Variants in FSTL5 observed in about 807,000 individuals in gnomAD.
FSTL5 encodes follistatin-related protein 5.
A neutral mutation model predicts 89.1 loss-of-function variants in FSTL5; 62 were observed. The ratio of observed to expected loss-of-function variants is 0.70; its 90% CI spans 0.57 to 0.86. The LOEUF (loss-of-function observed/expected upper bound fraction) is 0.86. Ranked by LOEUF, FSTL5 falls within the 40% of genes least tolerant of loss-of-function variation. The probability of loss-of-function intolerance (pLI) is 0.00; values close to 1 mark genes in which losing one functional copy is unlikely to be tolerated. For missense variants in FSTL5, 1,057 were observed against 1,001.6 expected, an observed-to-expected ratio of 1.06 and a Z score of -0.75; for synonymous variants, 383 against 346.2, an observed-to-expected ratio of 1.11 and a Z score of -1.18.
intron 3 of FSTL5, among the ~76,000 whole-genome samples, chr4:161,922,131 G>A (rs1734010404): frequency 6.6e-6 from 1 of 151,864 alleles, no homozygotes; most frequent in East Asian, 1.9e-4. Flanking sequence ...TTATATTTCT[G>A]ATAGCAGTGA....
At chr4:161,688,404 T>C (rs1028071144) in intron 6 of FSTL5, among the ~76,000 whole-genome samples, 1 of 147,984 alleles carries the variant, frequency 6.8e-6, no homozygotes, top group African/African-American at 2.7e-5. Context: ...CATACTCTGT[T>C]ATAACAGCAC....
chr4:161,588,528 C>G (rs1258535086), intron 7 of FSTL5, among the ~76,000 whole-genome samples: 4 of 152,008 alleles, frequency 2.6e-5, no homozygotes, highest in African/African-American at 4.8e-5. Flanking sequence ...CCGTTAAAAT[C>G]AAATCCATGA....
chr4:161,831,434 T>C (rs1560870123), intron 4 of FSTL5, among the ~76,000 whole-genome samples: 1 of 151,942 alleles, frequency 6.6e-6, no homozygotes, highest in Non-Finnish European at 1.5e-5. Flanking sequence ...AATGCATTTT[T>C]GTGGCATTTT....
intron 6 of FSTL5, among the ~76,000 whole-genome samples, chr4:161,740,084 A>G (rs1439464199): frequency 3.3e-5 from 5 of 151,936 alleles, no homozygotes; most frequent in Admixed American, 2.6e-4. Context: ...CAATGGCACA[A>G]TCTCAGCTCA....
chr4:161,859,697 G>A (rs1298337790), intron 4 of FSTL5, among the ~76,000 whole-genome samples: 2 of 152,080 alleles, frequency 1.3e-5, no homozygotes, highest in Non-Finnish European at 1.5e-5. Flanking sequence ...CATTCCTACT[G>A]CCTTTATTTC....
intron 3 of FSTL5, among the ~76,000 whole-genome samples, chr4:162,004,402 T>C (rs1736552773): frequency 6.6e-6 from 1 of 152,166 alleles, no homozygotes; most frequent in African/African-American, 2.4e-5. Context: ...CTGCCACAAC[T>C]CCAGCATAAT....
chr4:161,741,048 C>T lies in FSTL5; in HGVS notation c.727+18363G>A, dbSNP rs561971522. ...TCTGCCACATGATCTAATCACCTTC[C>T]AAAAGACCTGTCTCCTATTGTCATC... is the stretch of plus-strand genomic sequence containing the variant. On this transcript the variant is annotated intron_variant, in intron 6 of 15. Coordinates refer to ENST00000306100, the MANE Select transcript of FSTL5 (RefSeq NM_020116.5). Among the ~76,000 whole-genome samples the T allele has an allele frequency of 3.3e-5, 5 of 152,260 alleles. No individual in the cohort carries two copies. In the South Asian group the frequency reaches 1.0e-3, roughly 32 times the overall value.
intron 6 of FSTL5, among the ~76,000 whole-genome samples, chr4:161,711,402 T>C (rs975092603): frequency 6.6e-6 from 1 of 151,838 alleles, no homozygotes; most frequent in African/African-American, 2.4e-5. Flanking sequence ...ATAAATTAGA[T>C]AAATAAATGA....
chr4:161,575,709 C>T (rs1452381142), intron 8 of FSTL5, among the ~76,000 whole-genome samples: 1 of 152,112 alleles, frequency 6.6e-6, no homozygotes, highest in Non-Finnish European at 1.5e-5. Context: ...ACCTTGGTCT[C>T]CTGAAGTGCT....
intron 6 of FSTL5, among the ~76,000 whole-genome samples, chr4:161,758,689 T>C (rs1740668885): frequency 6.6e-6 from 1 of 152,084 alleles, no homozygotes; most frequent in South Asian, 2.1e-4. Flanking sequence ...AGCTAATTTT[T>C]GTATGTTTAG....
intron 4 of FSTL5, among the ~76,000 whole-genome samples, chr4:161,822,818 G>A (rs981235524): frequency 3.3e-5 from 5 of 152,212 alleles, no homozygotes; most frequent in Admixed American, 2.0e-4. Context: ...ACTAGAGGGT[G>A]AATAAGGCAG....
At chr4:161,546,601 A>C (rs1732016689) in intron 8 of FSTL5, among the ~76,000 whole-genome samples, 1 of 151,924 alleles carries the variant, frequency 6.6e-6, no homozygotes, top group South Asian at 2.1e-4. Context: ...GCTTTATGCC[A>C]ACACGTAACT....
At chr4:161,928,319 T>A (rs755880575) in intron 3 of FSTL5, among the ~76,000 whole-genome samples, 1 of 151,854 alleles carries the variant, frequency 6.6e-6, no homozygotes, top group Non-Finnish European at 1.5e-5. Flanking sequence ...CTGAAGGGCA[T>A]CTTAGTTGCT....
chr4:161,909,792 A>C (rs1733639813), intron 4 of FSTL5, among the ~76,000 whole-genome samples: 2 of 152,200 alleles, frequency 1.3e-5, no homozygotes, highest in South Asian at 4.2e-4. Context: ...TCTCTACCAC[A>C]TCCAGAGGCT....
At chr4:162,040,776 C>T (rs900528024) in intron 2 of FSTL5, among the ~76,000 whole-genome samples, 51 of 151,970 alleles carry the variant, frequency 3.4e-4, no homozygotes, top group African/African-American at 1.2e-3. Context: ...ACAAGGCCTT[C>T]GCTGAACATT....
At chr4:161,421,211 T>A (rs1731980063) in intron 15 of FSTL5, among the ~76,000 whole-genome samples, 1 of 151,832 alleles carries the variant, frequency 6.6e-6, no homozygotes, top group Admixed American at 6.6e-5. Context: ...CGTGGTGGTG[T>A]GCACCTGTAG....
At chr4:161,502,661 A>G (rs1232130731) in intron 11 of FSTL5, among the ~76,000 whole-genome samples, 1 of 151,834 alleles carries the variant, frequency 6.6e-6, no homozygotes, top group Non-Finnish European at 1.5e-5. Flanking sequence ...AAGACTAGAT[A>G]TTTTGCCATT....
chr4:161,398,356 T>G (rs535275217), intron 15 of FSTL5, among the ~76,000 whole-genome samples: 68 of 152,194 alleles, frequency 4.5e-4, no homozygotes, highest in South Asian at 1.0e-3. Context: ...GACACAGAGA[T>G]GTCTCCAAAA....
At chr4:162,097,312 G>GTA (rs939539215) in intron 2 of FSTL5, among the ~76,000 whole-genome samples, 2 of 151,566 alleles carry the variant, frequency 1.3e-5, no homozygotes, top group African/African-American at 4.8e-5. Context: ...AATATGGTGT[G>GTA]TATATATATG....
Sources: allele counts gnomAD v4.1 joint callset (sites outside exome capture counted in the v4.1 genomes callset), GRCh38; gene constraint gnomAD v4.1.1; transcripts MANE v1.5; gene names NCBI Gene and HGNC (gene_info 2026-07-23, HGNC 2026-07-21).